THADA: variants seen among roughly 807,000 people sequenced by gnomAD.
THADA encodes THADA armadillo repeat containing.
In THADA, 213 loss-of-function variants were observed where a neutral mutation model predicts 219.8. The observed-to-expected ratio is 0.97, with a 90% CI of 0.87 to 1.09. THADA has a LOEUF of 1.09. Among genes scored for constraint, THADA ranks in the 50% least tolerant of loss-of-function variants. The probability of loss-of-function intolerance (pLI) is 0.00; values close to 1 mark genes in which losing one functional copy is unlikely to be tolerated. For synonymous variants in THADA, 1,018 were observed against 828.9 expected, an observed-to-expected ratio of 1.23 and a Z score of -3.92; for missense variants, 2,956 against 2,311.3, an observed-to-expected ratio of 1.28 and a Z score of -5.72.
At chr2:43,479,764 C>G (rs1685963583) in intron 26 of THADA, among the ~76,000 whole-genome samples, 1 of 149,246 alleles carries the variant, frequency 6.7e-6, no homozygotes, top group Admixed American at 6.6e-5. Flanking sequence ...TTGAGCCTTG[C>G]TCCTCTCCTC....
chr2:43,254,212 G>A (rs903745472), intron 36 of THADA, among the ~76,000 whole-genome samples: 24 of 152,018 alleles, frequency 1.6e-4, no homozygotes, highest in Middle Eastern at 3.2e-3. Context: ...CACAGGACTT[G>A]GACTTGAATA....
intron 22 of THADA, among the ~76,000 whole-genome samples, chr2:43,526,662 G>T (rs751289369): frequency 6.6e-6 from 1 of 152,200 alleles, no homozygotes; most frequent in Non-Finnish European, 1.5e-5. Context: ...TCCACACACA[G>T]AGAGATGCTG....
chr2:43,386,897 CAAA>C (rs548365391), intron 29 of THADA, among the ~76,000 whole-genome samples: 11 of 97,272 alleles, frequency 1.1e-4, no homozygotes, highest in African/African-American at 1.4e-4. Flanking sequence ...GATTTCCTCT[CAAA>C]AAAAAAAAAA....
intron 37 of THADA, 35 bp downstream of exon 37, chr2:43,232,678 C>A: frequency 6.2e-7 from 1 of 1,609,722 alleles, no homozygotes; most frequent in African/African-American, 1.3e-5. Context: ...GACACTCCAA[C>A]CCTGCCTCCT....
intron 22 of THADA, among the ~76,000 whole-genome samples, chr2:43,525,803 G>T (rs997045273): frequency 3.4e-4 from 52 of 152,190 alleles, no homozygotes; most frequent in African/African-American, 1.2e-3. Flanking sequence ...CATGTGAGGA[G>T]TTGTTACTAT....
chr2:43,261,369 A>T (rs1407085222), intron 36 of THADA, among the ~76,000 whole-genome samples: 1 of 151,044 alleles, frequency 6.6e-6, no homozygotes, highest in Non-Finnish European at 1.5e-5. Flanking sequence ...GACTACAGGC[A>T]TGCACCATCA....
At chr2:43,287,115 C>T in intron 34 of THADA, 54 bp from the exon 35 acceptor site, 3 of 1,541,746 alleles carry the variant, frequency 1.9e-6, no homozygotes, top group Middle Eastern at 1.8e-4. Flanking sequence ...CAAGGGCTGA[C>T]ACAGAATTAG....
intron 26 of THADA, chr2:43,430,686 C>CA: frequency 2.2e-6 from 1 of 456,066 alleles, no homozygotes; most frequent in South Asian, 1.6e-5. Flanking sequence ...AGGTCTAGAA[C>CA]AAGCGTTCCC....
chr2:43,590,937 C>G lies in THADA; in HGVS notation c.189G>C (p.Glu63Asp), dbSNP rs753819135. Residue 63 changes from glutamate (E) to aspartate (D), a missense_variant, in exon 4 of 38, where the codon GAG becomes GAC. Glu to Asp is a conservative substitution (Grantham distance 45). Transcript: ENST00000405975. ...HYIKQIVPLL[E>D]KADKNGMCDP... ...CACACATGCCATTTTTATCTGCTTT[C>G]TCCAGCAGAGGCACAATCTATAATA... 1.1e-5 allele frequency: 17 copies of G among 1,612,714 alleles called. No individual in the cohort carries two copies. In the East Asian group the frequency reaches 2.9e-4, roughly 27 times the overall value.
chr2:43,501,720 G>A (rs534677454), intron 24 of THADA, among the ~76,000 whole-genome samples: 3 of 152,202 alleles, frequency 2.0e-5, no homozygotes, highest in African/African-American at 7.2e-5. Flanking sequence ...TTAGCGGGCA[G>A]ATCACTTGAG....
intron 26 of THADA, among the ~76,000 whole-genome samples, chr2:43,467,736 G>C (rs1234386971): frequency 6.6e-6 from 1 of 151,998 alleles, no homozygotes; most frequent in Non-Finnish European, 1.5e-5. Context: ...ATTTTAAAAA[G>C]CTTGACAACA....
intron 22 of THADA, among the ~76,000 whole-genome samples, chr2:43,523,162 C>A (rs185409341): frequency 1.3e-5 from 2 of 151,810 alleles, no homozygotes; most frequent in African/African-American, 4.8e-5. Flanking sequence ...CCCAGGAGTT[C>A]GAGACCAGCC....
intron 36 of THADA, among the ~76,000 whole-genome samples, chr2:43,240,344 T>C (rs1004997846): frequency 6.6e-6 from 1 of 152,236 alleles, no homozygotes; most frequent in East Asian, 1.9e-4. Flanking sequence ...TCAGGTTTCA[T>C]GAGGCCGTTT....
chr2:43,335,956 G>C (rs1328230067), intron 30 of THADA, among the ~76,000 whole-genome samples: 2 of 152,042 alleles, frequency 1.3e-5, no homozygotes, highest in African/African-American at 2.4e-5. Context: ...CCTTAGCCGG[G>C]TGTGGTGGCG....
At chr2:43,499,923 A>C (rs1268761687) in intron 24 of THADA, among the ~76,000 whole-genome samples, 1 of 152,166 alleles carries the variant, frequency 6.6e-6, no homozygotes, top group Non-Finnish European at 1.5e-5. Flanking sequence ...GAAAGAAAAT[A>C]AAAATTTAGA....
At chr2:43,464,952 CA>C (rs1684058192) in intron 26 of THADA, among the ~76,000 whole-genome samples, 1 of 152,042 alleles carries the variant, frequency 6.6e-6, no homozygotes, top group Non-Finnish European at 1.5e-5. Context: ...ATGACAAGAA[CA>C]GGGGGAAAAA....
intron 31 of THADA, among the ~76,000 whole-genome samples, chr2:43,305,019 T>G (rs1252856297): frequency 6.6e-6 from 1 of 152,180 alleles, no homozygotes; most frequent in Admixed American, 6.5e-5. Context: ...TTTTCTATTT[T>G]AAAGAATTGT....
intron 21 of THADA, among the ~76,000 whole-genome samples, chr2:43,532,183 T>G (rs1288809510): frequency 6.6e-6 from 1 of 151,700 alleles, no homozygotes; most frequent in East Asian, 1.9e-4. Flanking sequence ...AGGCTGAGGC[T>G]GGTGGATTGC....
In THADA at chr2:43,549,253, C is replaced by T. The variant is rs575711817; in HGVS notation, c.3063G>A (p.Leu1021=). Residue 1021 remains leucine (L), a synonymous_variant, in exon 20 of 38, where the codon TTG becomes TTA. Coordinates refer to ENST00000405975, the MANE Select transcript of THADA (RefSeq NM_022065.5). ...KEHDSFDMKD[L]NASVVNIDTS... ...TATCAATATTCACCACACTAGCATT[C>T]AAGTCCTTCATATCAAAGCTATCAT... 29 of 1,591,796 alleles carry T rather than the reference C, an allele frequency of 1.8e-5. No individual in the cohort carries two copies. The highest frequency in any genetic ancestry group is 1.6e-4 in the South Asian group (14 of 87,308).
Sources: allele counts gnomAD v4.1 joint callset (sites outside exome capture counted in the v4.1 genomes callset), GRCh38; gene constraint gnomAD v4.1.1; transcripts MANE v1.5; gene names NCBI Gene and HGNC (gene_info 2026-07-23, HGNC 2026-07-21).